The following C12orf42 variants were observed in gnomAD, a reference collection of about 807,000 sequenced individuals.
C12orf42 encodes uncharacterized protein C12orf42.
Under a neutral mutation model 21.6 loss-of-function variants are expected in C12orf42, and 25 were observed. The ratio of observed to expected loss-of-function variants is 1.16; its 90% confidence interval spans 0.84 to 1.62. The LOEUF (loss-of-function observed/expected upper bound fraction) is 1.62. Ranked by LOEUF, C12orf42 falls within the 40% of genes most tolerant of loss-of-function variation. The pLI, the probability that C12orf42 is intolerant of heterozygous loss-of-function variation, is 0.00. For synonymous variants in C12orf42, 174 were observed against 175.0 expected, an observed-to-expected ratio of 0.99 and a Z score of 0.05; for missense variants, 483 against 459.3, an observed-to-expected ratio of 1.05 and a Z score of -0.47.
intron 4 of C12orf42, among the ~76,000 whole-genome samples, chr12:103,317,070 C>T (rs1032838843): frequency 6.6e-6 from 1 of 152,174 alleles, no homozygotes; most frequent in African/African-American, 2.4e-5. Context: ...GTCTCAAATA[C>T]CAGTGCCCCA....
chr12:103,412,777 T>C (rs1456000050), intron 2 of C12orf42, among the ~76,000 whole-genome samples: 1 of 152,256 alleles, frequency 6.6e-6, no homozygotes, highest in African/African-American at 2.4e-5. Flanking sequence ...TTAAGAAGTA[T>C]TTGTTCATAT....
intron 10 of C12orf42, among the ~76,000 whole-genome samples, chr12:103,251,253 C>T (rs2034287188): frequency 6.6e-6 from 1 of 152,086 alleles, no homozygotes; most frequent in African/African-American, 2.4e-5. Flanking sequence ...TTCCCAACCC[C>T]ACTATAGCAA....
intron 10 of C12orf42, among the ~76,000 whole-genome samples, chr12:103,253,568 A>G (rs1337169736): frequency 1.3e-5 from 2 of 152,060 alleles, no homozygotes; most frequent in East Asian, 3.9e-4. Context: ...ACTTGTAGCA[A>G]TTGTGAATGG....
At chr12:103,146,296 C>T in the C12orf42 span, among the ~76,000 whole-genome samples, 1 of 151,284 alleles carries the variant, frequency 6.6e-6, no homozygotes, top group Non-Finnish European at 1.5e-5. Flanking sequence ...GCCTCACCAA[C>T]ATGTGAAACC....
At chr12:103,452,150 G>A (rs981393681) in intron 2 of C12orf42, among the ~76,000 whole-genome samples, 8 of 151,804 alleles carry the variant, frequency 5.3e-5, no homozygotes, top group Admixed American at 1.3e-4. Context: ...GTCCTTACTC[G>A]CCTGACCAGC....
At chr12:103,151,049 C>G in the C12orf42 span, among the ~76,000 whole-genome samples, 2 of 152,006 alleles carry the variant, frequency 1.3e-5, no homozygotes, top group Non-Finnish European at 2.9e-5. Context: ...TGCCTCAGCA[C>G]CCTGAGTAGC....
intron 2 of C12orf42, among the ~76,000 whole-genome samples, chr12:103,446,428 G>A (rs1951578887): frequency 6.6e-6 from 1 of 151,876 alleles, no homozygotes; most frequent in Non-Finnish European, 1.5e-5. Context: ...AAATCTCACA[G>A]GACCTATATA....
At chr12:103,343,213 CTTTAA>C (rs1219027277) in intron 4 of C12orf42, among the ~76,000 whole-genome samples, 1 of 152,146 alleles carries the variant, frequency 6.6e-6, no homozygotes, top group Non-Finnish European at 1.5e-5. Context: ...TCATATCTTC[CTTTAA>C]TTTTTTTCTA....
chr12:103,056,829 G>C, the C12orf42 span, among the ~76,000 whole-genome samples: 11 of 152,036 alleles, frequency 7.2e-5, no homozygotes, highest in African/African-American at 2.7e-4. Flanking sequence ...CTATTTCCTT[G>C]GTGAGACTCC....
chr12:103,482,773 T>A (rs1954560639), intron 1 of C12orf42, among the ~76,000 whole-genome samples: 1 of 152,120 alleles, frequency 6.6e-6, no homozygotes, highest in African/African-American at 2.4e-5. Flanking sequence ...CCATGTCTTT[T>A]CACTTATTCT....
intron 2 of C12orf42, among the ~76,000 whole-genome samples, chr12:103,445,928 GC>G (rs1475723202): frequency 6.6e-6 from 1 of 151,802 alleles, no homozygotes; most frequent in East Asian, 1.9e-4. Context: ...TTTGTATATG[GC>G]AAGAGGCGAA....
chr12:103,447,673 G>C (rs1374881503), intron 2 of C12orf42, among the ~76,000 whole-genome samples: 1 of 151,732 alleles, frequency 6.6e-6, no homozygotes, highest in African/African-American at 2.4e-5. Context: ...ATCAAATCAA[G>C]AACTCAACCC....
At chr12:103,047,967 C>T in the C12orf42 span, among the ~76,000 whole-genome samples, 1 of 152,130 alleles carries the variant, frequency 6.6e-6, no homozygotes, top group Non-Finnish European at 1.5e-5. Context: ...ATCACGAGGC[C>T]AGCCCAGATT....
intron 4 of C12orf42, among the ~76,000 whole-genome samples, chr12:103,346,053 G>A (rs1367254813): frequency 6.6e-6 from 1 of 152,062 alleles, no homozygotes; most frequent in Non-Finnish European, 1.5e-5. Flanking sequence ...CATAATAATT[G>A]AAATATCTGC....
At chr12:103,067,625 C>T in the C12orf42 span, among the ~76,000 whole-genome samples, 1 of 152,154 alleles carries the variant, frequency 6.6e-6, no homozygotes, top group Admixed American at 6.5e-5. Flanking sequence ...CCCTAGTGAT[C>T]CACTAGCAAA....
At chr12:103,438,349 A>G (rs952222726) in intron 2 of C12orf42, among the ~76,000 whole-genome samples, 30 of 152,218 alleles carry the variant, frequency 2.0e-4, no homozygotes, top group Middle Eastern at 3.4e-3. Flanking sequence ...ACTGGCACAA[A>G]ACAGGGATGC....
chr12:103,473,592 C>T (rs1170026876), intron 2 of C12orf42, among the ~76,000 whole-genome samples: 3 of 152,314 alleles, frequency 2.0e-5, no homozygotes, highest in African/African-American at 7.2e-5. Context: ...CCAAGTTTTA[C>T]CATGTTTCTA....
chr12:103,272,923 T>G (rs913618781), intron 5 of C12orf42, among the ~76,000 whole-genome samples: 2 of 152,324 alleles, frequency 1.3e-5, no homozygotes, highest in East Asian at 1.9e-4. Flanking sequence ...CTGTTCAGTA[T>G]TTTCCAGACT....
intron 2 of C12orf42, among the ~76,000 whole-genome samples, chr12:103,429,751 A>G (rs12296677): frequency 0.19 from 29,148 of 152,102 alleles, 3,355 homozygotes; most frequent in East Asian, 0.35. Flanking sequence ...AAAACAGCAT[A>G]GTACTGGTAC....
Sources: allele counts gnomAD v4.1 joint callset (sites outside exome capture counted in the v4.1 genomes callset), GRCh38; gene constraint gnomAD v4.1.1; transcripts MANE v1.5; gene names NCBI Gene and HGNC (gene_info 2026-07-23, HGNC 2026-07-21).